The following NCKAP5 variants were observed in gnomAD, a reference collection of about 807,000 sequenced individuals.
NCKAP5 encodes the protein nck-associated protein 5.
A neutral mutation model predicts 167.0 loss-of-function variants in NCKAP5; 92 were observed. The observed-to-expected ratio is 0.55, with a 90% CI of 0.47 to 0.66. The LOEUF (loss-of-function observed/expected upper bound fraction) is 0.66, where lower values mean the gene tolerates loss of function less well. Among genes scored for constraint, NCKAP5 ranks in the 30% least tolerant of loss-of-function variants. The pLI, the probability that NCKAP5 is intolerant of heterozygous loss-of-function variation, is 0.00. For synonymous variants in NCKAP5, 891 were observed against 877.4 expected, an observed-to-expected ratio of 1.02 and a Z score of -0.27; for missense variants, 2,378 against 2,315.0, an observed-to-expected ratio of 1.03 and a Z score of -0.56.
At chr2:133,542,933 T>C (rs1335415616) in intron 2 of NCKAP5, among the ~76,000 whole-genome samples, 2 of 152,180 alleles carry the variant, frequency 1.3e-5, no homozygotes, top group East Asian at 3.8e-4. Context: ...ATGTATACCA[T>C]AGGTAGGATC....
At chr2:133,378,736 A>G (rs1325241025) in intron 3 of NCKAP5, among the ~76,000 whole-genome samples, 1 of 152,232 alleles carries the variant, frequency 6.6e-6, no homozygotes, top group Non-Finnish European at 1.5e-5. Flanking sequence ...TGTTAATTGC[A>G]GAGAGGCTAA....
chr2:133,461,645 G>A (rs16825294), intron 3 of NCKAP5, among the ~76,000 whole-genome samples: 47,856 of 152,036 alleles, frequency 0.31, 8,244 homozygotes, highest in African/African-American at 0.45. Context: ...GGCTCCAGCC[G>A]AGTGTGAAGA....
intron 4 of NCKAP5, among the ~76,000 whole-genome samples, chr2:133,256,934 C>T (rs1311330126): frequency 6.6e-6 from 1 of 152,144 alleles, no homozygotes; most frequent in Non-Finnish European, 1.5e-5. Context: ...TGAGGCTGGA[C>T]ACATCATAAT....
intron 11 of NCKAP5, among the ~76,000 whole-genome samples, chr2:132,803,362 A>C (rs570753633): frequency 1.3e-5 from 2 of 152,346 alleles, no homozygotes; most frequent in East Asian, 3.9e-4. Context: ...CCCTGAGTGC[A>C]TTCTGTTTTG....
intron 11 of NCKAP5, among the ~76,000 whole-genome samples, chr2:132,860,113 TA>T (rs548218677): frequency 7.2e-5 from 11 of 151,936 alleles, no homozygotes; most frequent in African/African-American, 1.4e-4. Flanking sequence ...GAGTTTGAAA[TA>T]AAAAAAATGT....
chr2:133,326,798 T>C (rs1164729744), intron 3 of NCKAP5, among the ~76,000 whole-genome samples: 1 of 152,170 alleles, frequency 6.6e-6, no homozygotes, highest in Non-Finnish European at 1.5e-5. Context: ...TTCAACAGCA[T>C]CCTGGCTGCT....
the NCKAP5 span, among the ~76,000 whole-genome samples, chr2:133,599,771 G>A: frequency 6.6e-6 from 1 of 152,200 alleles, no homozygotes; most frequent in African/African-American, 2.4e-5. Flanking sequence ...GATGCCGGGA[G>A]AGCATGAGGA....
At chr2:132,750,547 A>T (rs1284296666) in intron 16 of NCKAP5, among the ~76,000 whole-genome samples, 1 of 152,154 alleles carries the variant, frequency 6.6e-6, no homozygotes, top group Non-Finnish European at 1.5e-5. Context: ...GGTGCTCCTA[A>T]AATAAAGAGC....
At chr2:133,569,216 C>A (rs896079873), upstream of NCKAP5, among the ~76,000 whole-genome samples, 1 of 152,054 alleles carries the variant, frequency 6.6e-6, no homozygotes, top group African/African-American at 2.4e-5. Context: ...CCCCTATTTT[C>A]CACTCTCTCA....
intron 6 of NCKAP5, among the ~76,000 whole-genome samples, chr2:133,057,027 T>A (rs941481485): frequency 8.5e-5 from 13 of 152,210 alleles, no homozygotes; most frequent in Non-Finnish European, 1.0e-4. Flanking sequence ...AACTTTTTCA[T>A]TTTTAGTACA....
At chr2:132,818,278 T>C (rs1686439154) in intron 11 of NCKAP5, among the ~76,000 whole-genome samples, 1 of 152,174 alleles carries the variant, frequency 6.6e-6, no homozygotes. Flanking sequence ...CTAAATTCTG[T>C]ATAGGAAGAA....
chr2:133,630,088 AT>A, the NCKAP5 span, among the ~76,000 whole-genome samples: 1 of 151,954 alleles, frequency 6.6e-6, no homozygotes, highest in Non-Finnish European at 1.5e-5. Flanking sequence ...CATGGCACAC[AT>A]TTACCTATGC....
intron 2 of NCKAP5, among the ~76,000 whole-genome samples, chr2:133,534,705 G>T (rs903571977): frequency 6.6e-6 from 1 of 151,940 alleles, no homozygotes; most frequent in Admixed American, 6.6e-5. Context: ...CTATTATATG[G>T]GTATACCATA....
chr2:133,323,833 C>T (rs2150686979), intron 3 of NCKAP5, among the ~76,000 whole-genome samples: 1 of 152,300 alleles, frequency 6.6e-6, no homozygotes, highest in South Asian at 2.1e-4. Context: ...ATAAATAAAG[C>T]AATTCCTAAT....
chr2:133,213,854 C>A, intron 4 of NCKAP5, 75 bp from the exon 5 acceptor site: 5 of 1,412,444 alleles, frequency 3.5e-6, no homozygotes, highest in Non-Finnish European at 5.0e-6. Flanking sequence ...GTGAAACATT[C>A]TTTTGAGGTC....
the NCKAP5 span, among the ~76,000 whole-genome samples, chr2:133,615,499 T>C: frequency 6.6e-6 from 1 of 151,764 alleles, no homozygotes; most frequent in South Asian, 2.1e-4. Flanking sequence ...GGGGTTGCAG[T>C]CCTACTCTCT....
chr2:132,833,619 G>A (rs1687675465), intron 11 of NCKAP5, among the ~76,000 whole-genome samples: 1 of 152,156 alleles, frequency 6.6e-6, no homozygotes, highest in Admixed American at 6.5e-5. Context: ...TCAAAAGAGT[G>A]TTCTTTATCC....
chr2:133,503,965 A>C (rs1464565750), intron 3 of NCKAP5, among the ~76,000 whole-genome samples: 1 of 151,660 alleles, frequency 6.6e-6, no homozygotes, highest in African/African-American at 2.4e-5. Flanking sequence ...CTGAATAGAA[A>C]CTCCCTCTGG....
intron 8 of NCKAP5, among the ~76,000 whole-genome samples, chr2:132,940,978 T>A (rs924976464): frequency 2.0e-5 from 3 of 152,108 alleles, no homozygotes; most frequent in Admixed American, 1.3e-4. Flanking sequence ...ATTAAAATTT[T>A]AAAATATTTT....
Sources: allele counts gnomAD v4.1 joint callset (sites outside exome capture counted in the v4.1 genomes callset), GRCh38; gene constraint gnomAD v4.1.1; transcripts MANE v1.5; gene names NCBI Gene and HGNC (gene_info 2026-07-23, HGNC 2026-07-21).